The following IL1RL2 variants were observed in gnomAD, a reference collection of about 807,000 sequenced individuals.
IL1RL2 encodes the protein interleukin 1 receptor like 2, also known as interleukin-1 receptor-like 2.
A neutral mutation model predicts 66.8 loss-of-function variants in IL1RL2; 68 were observed. The observed-to-expected ratio is 1.02, with a 90% CI of 0.84 to 1.25. The LOEUF (loss-of-function observed/expected upper bound fraction) is 1.25. Among genes scored for constraint, IL1RL2 ranks in the 50% most tolerant of loss-of-function variants. IL1RL2 has a pLI of 0.00. For synonymous variants in IL1RL2, 305 were observed against 264.6 expected, an observed-to-expected ratio of 1.15 and a Z score of -1.48; for missense variants, 729 against 709.3, an observed-to-expected ratio of 1.03 and a Z score of -0.32.
chr2:102,204,446 TG>T (rs1267337801), intron 5 of IL1RL2, among the ~76,000 whole-genome samples: 1 of 152,156 alleles, frequency 6.6e-6, no homozygotes, highest in Non-Finnish European at 1.5e-5. Flanking sequence ...GTTGATTTTC[TG>T]CCTGGAAGAT....
At chr2:102,230,602 G>A (rs1433109477) in intron 9 of IL1RL2, among the ~76,000 whole-genome samples, 1 of 152,252 alleles carries the variant, frequency 6.6e-6, no homozygotes, top group Non-Finnish European at 1.5e-5. Context: ...CTGCTCCAGT[G>A]GCTGAGGGCA....
At chr2:102,195,567 TTCTTTC>T (rs1469713680) in intron 4 of IL1RL2, among the ~76,000 whole-genome samples, 1 of 12,814 alleles carries the variant, frequency 7.8e-5, no homozygotes, top group African/African-American at 2.3e-4. Flanking sequence ...TTCTCTTTCT[TTCTTTC>T]TTTCTTTCTT....
intron 5 of IL1RL2, among the ~76,000 whole-genome samples, chr2:102,208,298 A>T (rs1436721536): frequency 1.3e-5 from 2 of 152,212 alleles, no homozygotes; most frequent in African/African-American, 2.4e-5. Context: ...CTATTCTGCC[A>T]TCTTGTTCCA....
Position 102,217,398 on chromosome 2 carries a change from A to G in IL1RL2, c.725-1555A>G, listed in dbSNP as rs552428495. Among the ~76,000 whole-genome samples the G allele has an allele frequency of 3.8e-4, 58 of 152,310 alleles. No homozygotes were observed. The South Asian group carries it at 9.7e-3, about 26-fold the overall frequency. On this transcript the variant is annotated intron_variant, in intron 6 of 11. Coordinates refer to ENST00000264257, the MANE Select transcript of IL1RL2 (RefSeq NM_003854.4). The stretch of plus-strand genomic sequence containing the variant: ...TACCAATGACATTATTTTGACAGAA[A>G]GAGAAGAAACAGTCCTAAAATTTGT...
At chr2:102,215,283 T>C (rs1689509282) in intron 6 of IL1RL2, among the ~76,000 whole-genome samples, 1 of 152,198 alleles carries the variant, frequency 6.6e-6, no homozygotes, top group African/African-American at 2.4e-5. Flanking sequence ...CTTGGAATTA[T>C]AGCTACTGCT....
intron 9 of IL1RL2, among the ~76,000 whole-genome samples, chr2:102,227,870 C>T (rs941929115): frequency 2.0e-5 from 3 of 152,132 alleles, no homozygotes; most frequent in Admixed American, 6.5e-5. Flanking sequence ...CTCCCAGGAG[C>T]GTGACTATAG....
intron 4 of IL1RL2, among the ~76,000 whole-genome samples, chr2:102,199,819 C>T (rs1232857145): frequency 6.6e-6 from 1 of 152,144 alleles, no homozygotes; most frequent in Non-Finnish European, 1.5e-5. Context: ...CTATCCAGGG[C>T]AGCCTGTCCA....
intron 5 of IL1RL2, among the ~76,000 whole-genome samples, chr2:102,206,939 G>A (rs1207312140): frequency 6.6e-6 from 1 of 152,182 alleles, no homozygotes; most frequent in Non-Finnish European, 1.5e-5. Context: ...CTGCAGCTGA[G>A]CTGGCAGTCA....
At chr2:102,193,254 C>T (rs896551241) in intron 4 of IL1RL2, among the ~76,000 whole-genome samples, 2 of 152,084 alleles carry the variant, frequency 1.3e-5, no homozygotes, top group African/African-American at 2.4e-5. Context: ...TTTTAAGGCA[C>T]GTTTGCCAGT....
chr2:102,236,354 A>G (rs960045235), intron 11 of IL1RL2, among the ~76,000 whole-genome samples: 2 of 152,106 alleles, frequency 1.3e-5, no homozygotes, highest in East Asian at 3.9e-4. Flanking sequence ...TTAGGATGGC[A>G]TGGGGAGCAG....
chr2:102,195,621 CTTTCTT>C (rs1201431194), intron 4 of IL1RL2, among the ~76,000 whole-genome samples: 1,646 of 16,986 alleles, frequency 0.097, 24 homozygotes, highest in African/African-American at 0.12. Flanking sequence ...TTCTTTCTTT[CTTTCTT>C]TCTCTCTCTC....
At chr2:102,188,001 G>A in intron 2 of IL1RL2, 76 bp downstream of exon 2, 1 of 1,448,548 alleles carries the variant, frequency 6.9e-7, no homozygotes. Context: ...GGAGCCCCCG[G>A]GGATCGCGTC....
At chr2:102,207,534 T>C (rs1423986303) in intron 5 of IL1RL2, among the ~76,000 whole-genome samples, 1 of 152,090 alleles carries the variant, frequency 6.6e-6, no homozygotes, top group Non-Finnish European at 1.5e-5. Flanking sequence ...GTAAATGTTA[T>C]CTGGGAGGCC....
intron 8 of IL1RL2, among the ~76,000 whole-genome samples, chr2:102,225,145 T>G (rs976440394): frequency 2.0e-5 from 3 of 152,240 alleles, no homozygotes; most frequent in African/African-American, 7.2e-5. Context: ...TTCTTGGATG[T>G]GTAGGAACAT....
intron 4 of IL1RL2, among the ~76,000 whole-genome samples, chr2:102,192,659 T>G (rs142509849): frequency 2.8e-4 from 43 of 152,344 alleles, no homozygotes; most frequent in African/African-American, 9.4e-4. Context: ...GTTTTCATCT[T>G]CAAAAGTTCT....
chr2:102,206,891 T>G (rs1414162713), intron 5 of IL1RL2, among the ~76,000 whole-genome samples: 2 of 152,090 alleles, frequency 1.3e-5, no homozygotes, highest in Non-Finnish European at 1.5e-5. Context: ...GGGATTAGAG[T>G]AAACAAACCT....
Position 102,233,074 on chromosome 2 carries a change from A to T in IL1RL2, c.1247A>T (p.Gln416Leu). The T allele has an allele frequency of 3.1e-6, 5 of 1,614,050 alleles. No homozygotes were observed. The highest frequency in any genetic ancestry group is 4.2e-6 in the Non-Finnish European group (5 of 1,179,962). The change falls in exon 10 of 12, where the codon CAA becomes CTA. Residue 416 changes from glutamine (Q) to leucine (L), a missense_variant. By Grantham distance (113) the Gln-to-Leu change is moderately radical. Coordinates refer to ENST00000264257, the MANE Select transcript of IL1RL2 (RefSeq NM_003854.4). ...ATCCTGCCCGAGGTGTTGGAGAGAC[A>T]ATGTGGATATAAGTTGTTTATATTC... ...LNILPEVLER[Q>L]CGYKLFIFGR...
chr2:102,217,816 A>C (rs1395216859), intron 6 of IL1RL2, among the ~76,000 whole-genome samples: 1 of 152,188 alleles, frequency 6.6e-6, no homozygotes, highest in Non-Finnish European at 1.5e-5. Context: ...TAAGCCTGAA[A>C]CTATGAAACT....
At chr2:102,215,256 C>T (rs1689506736) in intron 6 of IL1RL2, among the ~76,000 whole-genome samples, 2 of 152,276 alleles carry the variant, frequency 1.3e-5, no homozygotes, top group Admixed American at 6.5e-5. Flanking sequence ...ACCCATGCTG[C>T]TACATCATGC....
Sources: allele counts gnomAD v4.1 joint callset (sites outside exome capture counted in the v4.1 genomes callset), GRCh38; gene constraint gnomAD v4.1.1; transcripts MANE v1.5; gene names NCBI Gene and HGNC (gene_info 2026-07-23, HGNC 2026-07-21).